Variants in TFCP2 observed in about 807,000 individuals in gnomAD.
TFCP2 encodes transcription factor CP2, also known as alpha-globin transcription factor CP2.
In TFCP2, 33 loss-of-function variants were observed where a neutral mutation model predicts 73.4. The observed-to-expected ratio is 0.45, with a 90% CI of 0.34 to 0.60. The LOEUF (loss-of-function observed/expected upper bound fraction) is 0.60. TFCP2 is among the 20% of genes least tolerant of loss of function. The pLI is 0.01. For missense variants in TFCP2, 352 were observed against 604.0 expected (o/e 0.58, Z 4.37); for synonymous variants, 193 against 211.6 (o/e 0.91, Z 0.76).
rs560198431 is a variant in TFCP2, at chr12:51,106,791, G to C, written c.829-178C>G. On this transcript the variant is annotated intron_variant, in intron 7 of 14. Transcript: ENST00000257915. Reference sequence around the variant, plus strand: ...CATCTTGGAGCCTGTGGGGAGGCCTGCTGAGAATAGGACTTCTAAAAAGAA... The same window carrying C: ...CATCTTGGAGCCTGTGGGGAGGCCTCCTGAGAATAGGACTTCTAAAAAGAA... 5.1e-6 allele frequency: 3 copies of C among 587,266 alleles called. No individual in the cohort carries two copies. In the South Asian group the frequency reaches 5.6e-5, roughly 11 times the overall value. The allele number at this position is 587,266 out of a possible 1,614,324, so 36.4% of individuals were successfully genotyped here. A position where few individuals can be genotyped will look rare whatever the true frequency, so the allele number is the denominator to read the frequency against.
intron 11 of TFCP2, 61 bp from the exon 12 acceptor site, chr12:51,099,840 A>T: frequency 6.3e-7 from 1 of 1,579,986 alleles, no homozygotes; most frequent in Non-Finnish European, 8.6e-7. Context: ...AATAAAAAGA[A>T]GGGAGAAATT....
intron 1 of TFCP2, among the ~76,000 whole-genome samples, chr12:51,157,414 A>G (rs1375797390): frequency 6.6e-6 from 1 of 151,920 alleles, no homozygotes; most frequent in South Asian, 2.1e-4. Context: ...TTCCTGGACT[A>G]AAGCAATCCT....
rs34122712 is a variant in TFCP2, at chr12:51,147,529, T to TGG, written c.122+24770_122+24771dup. ...AAAGGGAGACCAGGATAGGAAGAGG[T>TGG]GGGGGGGGAAAGAGAGAAGGTGACA... is the stretch of plus-strand genomic sequence containing the variant. On this transcript the variant is annotated intron_variant, in intron 1 of 14. Transcript: ENST00000257915. Among the ~76,000 whole-genome samples the TGG allele has an allele frequency of 5.5e-3, 811 of 147,890 alleles. 2 individuals are homozygous for TGG. Among genetic ancestry groups the TGG allele is most frequent in the Middle Eastern group, 0.014 (4 of 288 alleles).
chr12:51,141,734 TA>T (rs1005199089), intron 1 of TFCP2, among the ~76,000 whole-genome samples: 71 of 149,384 alleles, frequency 4.8e-4, no homozygotes, highest in African/African-American at 1.7e-3. Context: ...AACTCATCTC[TA>T]CTAAAAATAC....
intron 1 of TFCP2, among the ~76,000 whole-genome samples, chr12:51,159,632 C>T (rs866688178): frequency 5.9e-5 from 9 of 151,970 alleles, no homozygotes; most frequent in Non-Finnish European, 7.4e-5. Context: ...GCATCAATTC[C>T]GACCGGAGCA....
intron 1 of TFCP2, among the ~76,000 whole-genome samples, chr12:51,123,494 C>T (rs1940732334): frequency 6.6e-6 from 1 of 152,168 alleles, no homozygotes. Flanking sequence ...AAAAGGAAAA[C>T]CCAAACCCAT....
intron 1 of TFCP2, among the ~76,000 whole-genome samples, chr12:51,158,705 T>C (rs1001944266): frequency 1.3e-5 from 2 of 150,518 alleles, no homozygotes; most frequent in African/African-American, 2.4e-5. Flanking sequence ...GCCAGGCTGG[T>C]CTCAAACTCC....
intron 1 of TFCP2, among the ~76,000 whole-genome samples, chr12:51,148,468 G>A (rs944277303): frequency 1.3e-5 from 2 of 151,762 alleles, no homozygotes; most frequent in East Asian, 1.9e-4. Context: ...TTTGGGAGGC[G>A]AGGCGGGCGG....
chr12:51,111,175 G>A (rs544155716), intron 4 of TFCP2, among the ~76,000 whole-genome samples, 192 bp from the exon 5 acceptor site: 1 of 151,134 alleles, frequency 6.6e-6, no homozygotes, highest in East Asian at 1.9e-4. Flanking sequence ...AAGCTGGAGT[G>A]CAGTGGTAAC....
At chr12:51,103,993 A>G in intron 9 of TFCP2, 162 bp downstream of exon 9, 3 of 781,986 alleles carry the variant, frequency 3.8e-6, no homozygotes, top group Non-Finnish European at 2.2e-6. Flanking sequence ...TCATATCTTT[A>G]GTCCCTAGCA....
chr12:51,156,850 T>A (rs895342994), intron 1 of TFCP2: 4 of 152,170 alleles, frequency 2.6e-5, no homozygotes, highest in African/African-American at 9.7e-5. Context: ...TACAATTGGT[T>A]TATTAATCTT....
At position 51,172,687 on chromosome 12, in the gene TFCP2, C is replaced by A. The variant is rs1261470432; in HGVS notation, c.-265G>T. On this transcript the variant is annotated 5_prime_UTR_variant, in exon 1 of 15. Transcript: ENST00000257915. ...ACGTGAGGACCCCTTTGCTCAACTA[C>A]TGCAGACTTCCCAGAGGCAGCTCTG... 1 of 387,856 alleles carries A rather than the reference C, an allele frequency of 2.6e-6. No homozygotes were observed. Among genetic ancestry groups the A allele is most frequent in the East Asian group, 5.2e-5 (1 of 19,138 alleles). The allele number at this position is 387,856 out of a possible 1,614,324, so 24.0% of individuals were successfully genotyped here. A position where few individuals can be genotyped will look rare whatever the true frequency, so the allele number is the denominator to read the frequency against.
At chr12:51,099,606 T>C in intron 12 of TFCP2, 49 bp downstream of exon 12, 2 of 1,597,122 alleles carry the variant, frequency 1.3e-6, no homozygotes, top group Non-Finnish European at 1.7e-6. Flanking sequence ...CCATAAGTTA[T>C]CTCTTCACCT....
At position 51,107,068 on chromosome 12, in the gene TFCP2, G is replaced by C; in HGVS notation, c.828+168C>G. 5 of 650,948 alleles carry C rather than the reference G, an allele frequency of 7.7e-6. No homozygotes were observed. The South Asian group carries it at 9.8e-5, about 13-fold the overall frequency. 40.3% of individuals were successfully genotyped at this position (650,948 alleles called of 1,614,324 possible). ...GGACACAGAGACAGTGGCATGGTTC[G>C]TGCCAAATTCTAAAGCAATCTTCCT... On this transcript the variant is annotated intron_variant, in intron 7 of 14. Coordinates refer to ENST00000257915, the MANE Select transcript of TFCP2 (RefSeq NM_005653.5).
intron 5 of TFCP2, among the ~76,000 whole-genome samples, chr12:51,110,171 A>G (rs542344762): frequency 6.6e-6 from 1 of 152,344 alleles, no homozygotes; most frequent in East Asian, 1.9e-4. Flanking sequence ...ATTACTACAA[A>G]TAAGGATTTT....
At chr12:51,117,793 T>A (rs758171185) in intron 2 of TFCP2, 46 bp from the exon 3 acceptor site, 1 of 1,359,668 alleles carries the variant, frequency 7.4e-7, no homozygotes, top group Non-Finnish European at 1.0e-6. Flanking sequence ...CAAATTAACT[T>A]TGCTAGATTC....
intron 1 of TFCP2, among the ~76,000 whole-genome samples, chr12:51,133,938 A>G (rs1941007316): frequency 7.1e-6 from 1 of 141,638 alleles, no homozygotes; most frequent in Non-Finnish European, 1.6e-5. Flanking sequence ...AAAAAAAAAA[A>G]CGAAAGAAAG....
intron 1 of TFCP2, among the ~76,000 whole-genome samples, chr12:51,166,231 CT>C (rs1302099269): frequency 6.6e-6 from 1 of 150,816 alleles, no homozygotes; most frequent in African/African-American, 2.4e-5. Context: ...AGGAGAATCG[CT>C]TGAAGCTGGG....
intron 11 of TFCP2, among the ~76,000 whole-genome samples, chr12:51,101,104 C>T (rs771803904): frequency 2.6e-5 from 4 of 152,038 alleles, no homozygotes; most frequent in Non-Finnish European, 4.4e-5. Flanking sequence ...GAGATCGAGA[C>T]CATCCTGGCT....
Sources: gnomAD v4.1 joint callset for allele counts (sites outside exome capture counted in the v4.1 genomes callset) on GRCh38, gnomAD v4.1.1 for gene constraint, MANE v1.5 for transcripts, NCBI Gene and HGNC (gene_info 2026-07-23, HGNC 2026-07-21) for gene names.